RBKS: variants seen among roughly 807,000 people sequenced by gnomAD.
RBKS encodes ribokinase.
In RBKS, 33 loss-of-function variants were observed where a neutral mutation model predicts 33.9. That is an observed-to-expected ratio of 0.97 (90% CI 0.74 to 1.30). The LOEUF is 1.30. Ranked by LOEUF, RBKS falls within the 50% of genes most tolerant of loss-of-function variation. The pLI is 0.00. For missense variants in RBKS, 361 were observed against 392.6 expected (o/e 0.92, Z 0.68); for synonymous variants, 125 against 143.0 (o/e 0.87, Z 0.90).
chr2:27,865,477 C>A (rs1304813064), intron 1 of RBKS, among the ~76,000 whole-genome samples: 1 of 151,886 alleles, frequency 6.6e-6, no homozygotes, highest in South Asian at 2.1e-4. Context: ...TTACAATACT[C>A]ATTTCCTTCT....
intron 7 of RBKS, among the ~76,000 whole-genome samples, chr2:27,798,472 CA>C (rs1677703542): frequency 6.6e-6 from 1 of 152,124 alleles, no homozygotes; most frequent in Non-Finnish European, 1.5e-5. Flanking sequence ...TATACTTCAT[CA>C]ATCACCAGTT....
chr2:27,827,785 T>C (rs780037356), intron 6 of RBKS, 30 bp from the exon 7 acceptor site: 4 of 1,517,992 alleles, frequency 2.6e-6, no homozygotes, highest in Middle Eastern at 3.6e-4. Flanking sequence ...ACAGAAACAG[T>C]GGTGAAAATA....
At chr2:27,828,373 A>G (rs1361981439) in intron 6 of RBKS, among the ~76,000 whole-genome samples, 2 of 152,162 alleles carry the variant, frequency 1.3e-5, no homozygotes, top group African/African-American at 4.8e-5. Context: ...GAATTTTAGC[A>G]TAAATTGCAC....
At chr2:27,842,266 G>A (rs1447740350) in intron 5 of RBKS, among the ~76,000 whole-genome samples, 1 of 152,144 alleles carries the variant, frequency 6.6e-6, no homozygotes, top group Admixed American at 6.5e-5. Flanking sequence ...AGGAGTGAGT[G>A]GGAGAAAAGA....
At chr2:27,809,441 G>A (rs571650471) in intron 7 of RBKS, among the ~76,000 whole-genome samples, 46 of 152,314 alleles carry the variant, frequency 3.0e-4, no homozygotes, top group African/African-American at 1.1e-3. Flanking sequence ...GGAATCCTGA[G>A]AGCGAGCTAA....
rs767484978 is a variant in RBKS, at chr2:27,843,056, T to C, written c.514+11A>G. ...GCTTTTATAGAAAGAATGACAAATA[T>C]GTATAATTACCTCCACTCCTGCGGG... On this transcript the variant is annotated intron_variant, in intron 5 of 7. Coordinates refer to ENST00000302188, the MANE Select transcript of RBKS (RefSeq NM_022128.3). 5 of 1,545,758 alleles carry C rather than the reference T, an allele frequency of 3.2e-6. No homozygotes were observed. In the African/African-American group the frequency reaches 4.2e-5, roughly 13 times the overall value.
chr2:27,826,323 C>A lies in RBKS; in HGVS notation c.795+1244G>T, dbSNP rs190100024. The stretch of plus-strand genomic sequence containing the variant: ...ATATTTTATGAATAATTATCTGTTT[C>A]TTCTAAATAAAAACTCTAAAATGTT... On this transcript the variant is annotated intron_variant, in intron 7 of 7. Coordinates refer to ENST00000302188, the MANE Select transcript of RBKS (RefSeq NM_022128.3). Among the ~76,000 whole-genome samples, 460 of 152,122 alleles carry A rather than the reference C, an allele frequency of 3.0e-3. 2 individuals carry two copies. The highest frequency in any genetic ancestry group is 0.011 in the African/African-American group (438 of 41,500).
At chr2:27,883,161 C>T (rs1436376139) in intron 1 of RBKS, among the ~76,000 whole-genome samples, 1 of 151,080 alleles carries the variant, frequency 6.6e-6, no homozygotes, top group Non-Finnish European at 1.5e-5. Context: ...GGGACTAAGA[C>T]AAGACAAGCA....
intron 1 of RBKS, among the ~76,000 whole-genome samples, chr2:27,872,786 GA>G (rs1049776550): frequency 6.6e-6 from 1 of 152,218 alleles, no homozygotes; most frequent in Admixed American, 6.5e-5. Flanking sequence ...CAAGCAGACA[GA>G]AAGTCAGCCT....
At position 27,795,842 on chromosome 2, in the gene RBKS, C is replaced by T. The variant is rs1394732641; in HGVS notation, c.796-14054G>A. On this transcript the variant is annotated intron_variant, in intron 7 of 7. Transcript: ENST00000302188. This position sits in a 1 kb window ranked among gnomAD's most constrained non-coding sequence, Gnocchi z 4.1. ...ATCCCTTTGTATTTCTCTTAGGACT[C>T]TGAGTTCATTGTGCTGAACGTTTTC... is the stretch of plus-strand genomic sequence containing the variant. Among the ~76,000 whole-genome samples the T allele has an allele frequency of 6.6e-6, 1 of 152,240 alleles. No individual in the cohort carries two copies. Among genetic ancestry groups the T allele is most frequent in the African/African-American group, 2.4e-5 (1 of 41,460 alleles).
At chr2:27,789,986 TAGAGAGAGAGAGAG>T (rs368946256) in intron 7 of RBKS, among the ~76,000 whole-genome samples, 3 of 130,930 alleles carry the variant, frequency 2.3e-5, no homozygotes, top group African/African-American at 8.8e-5. Context: ...TATATATATG[TAGAGAGAGAGAGAG>T]AGAGAGAGAG....
At chr2:27,864,659 CTCAT>C (rs1039869988) in intron 1 of RBKS, among the ~76,000 whole-genome samples, 1 of 96,548 alleles carries the variant, frequency 1.0e-5, no homozygotes, top group African/African-American at 3.9e-5. Flanking sequence ...TAAGTATTGA[CTCAT>C]TCATTCTGAG....
chr2:27,888,482 T>A (rs752679203), intron 1 of RBKS, among the ~76,000 whole-genome samples: 3 of 152,224 alleles, frequency 2.0e-5, no homozygotes, highest in Non-Finnish European at 4.4e-5. Context: ...GGTAAACATT[T>A]AGCTTGGTGG....
Position 27,843,768 on chromosome 2 carries a change from T to C in RBKS, c.350-537A>G, listed in dbSNP as rs537002752. ...ATAGAGGAGAGAGGGATACCTGGCT[T>C]ATACTATAATGGATCAAACAGAAAC... On this transcript the variant is annotated intron_variant, in intron 4 of 7. Coordinates refer to ENST00000302188, the MANE Select transcript of RBKS (RefSeq NM_022128.3). Among the ~76,000 whole-genome samples the C allele has an allele frequency of 1.4e-3, 208 of 152,282 alleles. 1 individual carries two copies. The highest frequency in any genetic ancestry group is 3.4e-3 in the Middle Eastern group (1 of 294).
intron 1 of RBKS, among the ~76,000 whole-genome samples, chr2:27,882,466 TAC>T (rs1664437254): frequency 6.6e-6 from 1 of 152,202 alleles, no homozygotes; most frequent in South Asian, 2.1e-4. Flanking sequence ...GGAATGCTTA[TAC>T]ACTGTTGGTG....
chr2:27,807,857 A>G (rs781101897), intron 7 of RBKS, among the ~76,000 whole-genome samples: 8 of 152,190 alleles, frequency 5.3e-5, no homozygotes, highest in Non-Finnish European at 7.3e-5. Flanking sequence ...AATGAACTAC[A>G]TTAGGTACTT....
At chr2:27,784,230 G>T (rs1464471202) in intron 7 of RBKS, among the ~76,000 whole-genome samples, 1 of 151,634 alleles carries the variant, frequency 6.6e-6, no homozygotes, top group African/African-American at 2.4e-5. Context: ...TGATCCGCCC[G>T]CCTCGGCCTC....
intron 2 of RBKS, among the ~76,000 whole-genome samples, chr2:27,854,997 G>C (rs755571124): frequency 2.6e-5 from 4 of 152,138 alleles, no homozygotes; most frequent in African/African-American, 4.8e-5. Flanking sequence ...TTTATTGTAT[G>C]CTTAAAATGC....
intron 4 of RBKS, among the ~76,000 whole-genome samples, chr2:27,846,284 C>A (rs1460400089): frequency 2.6e-5 from 4 of 152,118 alleles, no homozygotes; most frequent in South Asian, 2.1e-4. Context: ...TTAATTCATT[C>A]ATTCATTCAT....
Sources: allele counts gnomAD v4.1 joint callset (sites outside exome capture counted in the v4.1 genomes callset), GRCh38; gene constraint gnomAD v4.1.1; non-coding constraint Gnocchi (gnomAD v3.1); transcripts MANE v1.5; gene names NCBI Gene and HGNC (gene_info 2026-07-23, HGNC 2026-07-21).